CDC42BPA: variants seen among roughly 807,000 people sequenced by gnomAD.
CDC42BPA encodes the protein serine/threonine-protein kinase MRCK alpha.
CDC42BPA carries 80 observed loss-of-function variants against 223.5 expected under a neutral mutation model. The observed-to-expected ratio is 0.36, with a 90% CI of 0.30 to 0.43. The LOEUF (loss-of-function observed/expected upper bound fraction) is 0.43, where lower values mean the gene tolerates loss of function less well. Ranked by LOEUF, CDC42BPA falls within the 20% of genes least tolerant of loss-of-function variation. The pLI is 1.00. For synonymous variants in CDC42BPA, 694 were observed against 718.6 expected (o/e 0.97, Z 0.55); for missense variants, 1,743 against 2,099.9 (o/e 0.83, Z 3.32).
chr1:227,010,700 GGAAA>G (rs1665001355), intron 34 of CDC42BPA, among the ~76,000 whole-genome samples: 1 of 150,000 alleles, frequency 6.7e-6, no homozygotes, highest in South Asian at 2.1e-4. Context: ...AATAGAAATG[GGAAA>G]GAAGAGGAAG....
At chr1:227,249,236 A>C (rs570736923) in intron 2 of CDC42BPA, among the ~76,000 whole-genome samples, 1 of 152,336 alleles carries the variant, frequency 6.6e-6, no homozygotes, top group South Asian at 2.1e-4. Context: ...CATATGCAGA[A>C]GAAGGAAATT....
At chr1:227,211,806 A>G (rs1052331897) in intron 3 of CDC42BPA, among the ~76,000 whole-genome samples, 8 of 152,128 alleles carry the variant, frequency 5.3e-5, no homozygotes, top group African/African-American at 1.2e-4. Context: ...CAAGTTGCCT[A>G]TTGGGTCCAA....
chr1:227,158,744 C>A lies in CDC42BPA; in HGVS notation c.693+1799G>T, dbSNP rs151272012. ...TTCCTGCCTGGGAGATCTGCTTGAT[C>A]ATTAGTATTCTGGTCTGTTTTCAAA... is the stretch of plus-strand genomic sequence containing the variant. On this transcript the variant is annotated intron_variant, in intron 6 of 36. Transcript: ENST00000366766. 6.9e-3 allele frequency among the ~76,000 whole-genome samples: 1,057 copies of A among 152,236 alleles called. 8 individuals are homozygous for A. The highest frequency in any genetic ancestry group is 0.022 in the African/African-American group (897 of 41,520).
chr1:227,204,248 T>C (rs900151323), intron 3 of CDC42BPA, among the ~76,000 whole-genome samples: 2 of 152,222 alleles, frequency 1.3e-5, no homozygotes, highest in African/African-American at 4.8e-5. Context: ...TTTTAATATA[T>C]ATTTCATGGC....
At chr1:227,072,080 A>G (rs1678503473) in intron 20 of CDC42BPA, 128 bp downstream of exon 20, 1 of 565,106 alleles carries the variant, frequency 1.8e-6, no homozygotes, top group Middle Eastern at 2.7e-4. Context: ...ACGTATATTC[A>G]TAAATGAGTG....
chr1:227,063,873 A>G (rs1676446036), intron 21 of CDC42BPA, among the ~76,000 whole-genome samples: 1 of 152,220 alleles, frequency 6.6e-6, no homozygotes, highest in Admixed American at 6.5e-5. Context: ...AACTGATTGT[A>G]ACAGAATGTA....
chr1:227,276,228 G>A (rs1472249944), intron 1 of CDC42BPA, among the ~76,000 whole-genome samples: 4 of 151,828 alleles, frequency 2.6e-5, no homozygotes, highest in Admixed American at 6.6e-5. Context: ...CGTCTGGGAT[G>A]TGAGGAGCGC....
chr1:227,286,715 G>A lies in CDC42BPA; in HGVS notation c.178+30290C>T, dbSNP rs186569337. ...GCTATAAAGGAATATCTGAATGGCT[G>A]GGTAATTTACAAAGAGATTTATTTT... On this transcript the variant is annotated intron_variant, in intron 1 of 36. Transcript: ENST00000366766. Among the ~76,000 whole-genome samples, 914 of 152,280 alleles carry A rather than the reference G, an allele frequency of 6.0e-3. 10 individuals carry two copies. The highest frequency in any genetic ancestry group is 0.021 in the African/African-American group (861 of 41,550).
chr1:227,110,057 C>T (rs1265235810), intron 14 of CDC42BPA, among the ~76,000 whole-genome samples: 4 of 152,086 alleles, frequency 2.6e-5, no homozygotes, highest in African/African-American at 4.8e-5. Flanking sequence ...GTTGAATCCA[C>T]GAATGCAGAA....
In CDC42BPA at chr1:226,991,014, T is replaced by C. The variant is rs184569762; in HGVS notation, c.*3254A>G. 1 of 152,598 alleles carries C rather than the reference T, an allele frequency of 6.6e-6. No individual in the cohort carries two copies. Among genetic ancestry groups the C allele is most frequent in the African/African-American group, 2.4e-5 (1 of 41,434 alleles). The allele number at this position is 152,598 out of a possible 1,614,324, so 9.5% of individuals were successfully genotyped here. ...TGTGTTGGGGATGTGTATAAATACA[T>C]ACATAATAACAAAAAATGTAAGATC... On this transcript the variant is annotated 3_prime_UTR_variant, in exon 37 of 37. Transcript: ENST00000366766.
intron 23 of CDC42BPA, among the ~76,000 whole-genome samples, chr1:227,040,997 G>C (rs1198178593): frequency 1.3e-5 from 2 of 152,006 alleles, no homozygotes; most frequent in African/African-American, 2.4e-5. Flanking sequence ...TGTGAACTTA[G>C]GAAAAAATTA....
At chr1:227,179,305 T>TA (rs1667494451) in intron 5 of CDC42BPA, among the ~76,000 whole-genome samples, 1 of 151,874 alleles carries the variant, frequency 6.6e-6, no homozygotes, top group African/African-American at 2.4e-5. Context: ...CTGTACACAT[T>TA]AATGAGTGGA....
Position 227,100,989 on chromosome 1 carries a change from T to C in CDC42BPA, c.2249+3A>G. On this transcript the variant is annotated splice_donor_region_variant and intron_variant, in intron 15 of 36. Coordinates refer to ENST00000366766, the MANE Select transcript of CDC42BPA (RefSeq NM_001394014.1). ...ACTGTATAGTAAATAATGTGATTCT[T>C]ACCTTTCTCTTCTGGTTTTTTCCAA... The C allele has an allele frequency of 2.7e-6, 4 of 1,468,688 alleles. No homozygotes were observed. The highest frequency in any genetic ancestry group is 3.8e-6 in the Non-Finnish European group (4 of 1,057,736). 91.0% of individuals were successfully genotyped at this position (1,468,688 alleles called of 1,614,324 possible).
At chr1:227,276,218 C>T (rs138185381) in intron 1 of CDC42BPA, among the ~76,000 whole-genome samples, 2 of 151,198 alleles carry the variant, frequency 1.3e-5, no homozygotes, top group African/African-American at 4.9e-5. Flanking sequence ...CCCGCCGCCC[C>T]GTCTGGGATG....
At chr1:227,028,266 A>G (rs16846839) in intron 30 of CDC42BPA, among the ~76,000 whole-genome samples, 2,903 of 152,334 alleles carry the variant, frequency 0.019, 46 homozygotes, top group East Asian at 0.053. Flanking sequence ...ATACCTTTAC[A>G]TACCTGATTA....
Position 227,119,918 on chromosome 1 carries a change from C to T in CDC42BPA, c.1533G>A (p.Gln511=). The T allele has an allele frequency of 6.3e-7, 1 of 1,595,376 alleles. No individual in the cohort carries two copies. Among genetic ancestry groups the T allele is most frequent in the African/African-American group, 1.4e-5 (1 of 74,030 alleles). ...KQVTESSHLE[Q]QLEEANAVRQ... ...TCACAGCATTAGCTTCTTCAAGTTG[C>T]TGTTCCAAATGACTTGATTCTAAAA... Residue 511 remains glutamine, a synonymous_variant, in exon 12 of 37, where the codon CAG becomes CAA. Transcript: ENST00000366766.
intron 2 of CDC42BPA, among the ~76,000 whole-genome samples, chr1:227,231,214 C>G (rs1677890386): frequency 7.2e-6 from 1 of 139,394 alleles, no homozygotes; most frequent in Non-Finnish European, 1.6e-5. Context: ...TAATTCCCAC[C>G]TATGAGTGAG....
chr1:227,168,513 T>TTTTTTTTTTTTTTTTTTTTG (rs57522937), intron 5 of CDC42BPA, among the ~76,000 whole-genome samples: 1 of 145,650 alleles, frequency 6.9e-6, no homozygotes, highest in African/African-American at 2.6e-5. Flanking sequence ...TTTTTTTTTT[T>TTTTTTTTTTTTTTTTTTTTG]GAGGCAGAGT....
chr1:227,224,137 G>A (rs1676418062), intron 2 of CDC42BPA, among the ~76,000 whole-genome samples: 1 of 151,232 alleles, frequency 6.6e-6, no homozygotes, highest in Non-Finnish European at 1.5e-5. Flanking sequence ...TTTGTATTCT[G>A]CTTATTAATA....
Sources: allele counts gnomAD v4.1 joint callset (sites outside exome capture counted in the v4.1 genomes callset), GRCh38; gene constraint gnomAD v4.1.1; transcripts MANE v1.5; gene names NCBI Gene and HGNC (gene_info 2026-07-23, HGNC 2026-07-21).